MSI2: variants seen among roughly 807,000 people sequenced by gnomAD.
MSI2 encodes musashi RNA binding protein 2, also known as RNA-binding protein Musashi homolog 2.
A neutral mutation model predicts 45.6 loss-of-function variants in MSI2; 17 were observed. The ratio of observed to expected loss-of-function variants is 0.37; its 90% confidence interval spans 0.26 to 0.56. MSI2 has a LOEUF of 0.56. MSI2 is among the 20% of genes least tolerant of loss of function. MSI2 has a pLI of 0.77. For synonymous variants in MSI2, 156 were observed against 158.2 expected (o/e 0.99, Z 0.11); for missense variants, 293 against 444.2 (o/e 0.66, Z 3.06).
At chr17:57,625,403 G>A (rs1489906748) in intron 9 of MSI2, among the ~76,000 whole-genome samples, 5 of 152,220 alleles carry the variant, frequency 3.3e-5, no homozygotes, top group African/African-American at 1.2e-4. Flanking sequence ...CTCTGAGTAG[G>A]CAGCAGGATG....
chr17:57,341,855 A>G (rs1378479367), intron 5 of MSI2, among the ~76,000 whole-genome samples: 2 of 152,136 alleles, frequency 1.3e-5, no homozygotes, highest in Non-Finnish European at 2.9e-5. Context: ...TTTGTTGCTC[A>G]ACTTTTCTCT....
intron 5 of MSI2, among the ~76,000 whole-genome samples, chr17:57,372,973 G>T (rs2143970975): frequency 6.6e-6 from 1 of 152,234 alleles, no homozygotes; most frequent in East Asian, 1.9e-4. Context: ...ATATGGCTGG[G>T]CACAGGGGCT....
At chr17:57,547,438 G>T (rs2087195477) in intron 7 of MSI2, among the ~76,000 whole-genome samples, 1 of 152,150 alleles carries the variant, frequency 6.6e-6, no homozygotes, top group African/African-American at 2.4e-5. Flanking sequence ...AGAGCTGATG[G>T]CGTCTTGGGT....
At position 57,529,720 on chromosome 17, in the gene MSI2, C is replaced by T. The variant is rs2086782085; in HGVS notation, c.450C>T (p.His150=). 6.2e-7 allele frequency: 1 copy of T among 1,613,064 alleles called. No homozygotes were observed. Among genetic ancestry groups the T allele is most frequent in the South Asian group, 1.1e-5 (1 of 90,924 alleles). ...TGTTTGATAAAACTACCAACAGGCACAGAGGTAAGATTACCCCAGTGTAAG... is the reference window on the plus strand; with the variant it reads ...TGTTTGATAAAACTACCAACAGGCATAGAGGTAAGATTACCCCAGTGTAAG... ...MLMFDKTTNR[H]RGFGFVTFEN... is the part of the protein sequence containing the mutation. Residue 150 remains histidine, a synonymous_variant, in exon 7 of 14, where the codon CAC becomes CAT. Coordinates refer to ENST00000284073, the MANE Select transcript of MSI2 (RefSeq NM_138962.4). The surrounding 1 kb of genome is among the most constrained non-coding windows in gnomAD (Gnocchi z 5.3).
In MSI2 at chr17:57,297,848, C is replaced by T. The variant is rs771502804; in HGVS notation, c.312+35656C>T. Among the ~76,000 whole-genome samples, 3 of 152,256 alleles carry T rather than the reference C, an allele frequency of 2.0e-5. No individual in the cohort carries two copies. The East Asian group carries it at 5.8e-4, about 29-fold the overall frequency. On this transcript the variant is annotated intron_variant, in intron 5 of 13. Transcript: ENST00000284073. ...GAAGAAATTACTTTCTTTGCTCATC[C>T]ATAAGAAGCAACTCCTCATCATTCA...
intron 6 of MSI2, among the ~76,000 whole-genome samples, chr17:57,408,888 G>T (rs763052773): frequency 2.1e-5 from 3 of 143,322 alleles, no homozygotes; most frequent in Non-Finnish European, 4.6e-5. Context: ...ATTCCCACCC[G>T]CCCCCCACCT....
At chr17:57,634,689 TAA>T (rs905623312) in intron 10 of MSI2, among the ~76,000 whole-genome samples, 3 of 152,168 alleles carry the variant, frequency 2.0e-5, no homozygotes, top group Admixed American at 2.0e-4. Context: ...ACAAAAGTAA[TAA>T]GACACAAAAT....
At chr17:57,429,410 A>G (rs1255603259) in intron 6 of MSI2, among the ~76,000 whole-genome samples, 1 of 152,198 alleles carries the variant, frequency 6.6e-6, no homozygotes, top group Admixed American at 6.5e-5. Context: ...GATGTTTGTA[A>G]TGACCATCCA....
intron 6 of MSI2, among the ~76,000 whole-genome samples, chr17:57,482,003 G>A (rs2085657364): frequency 2.0e-5 from 3 of 152,146 alleles, no homozygotes; most frequent in Non-Finnish European, 4.4e-5. Context: ...AGATGGAGGC[G>A]AGTCAGTCCA....
chr17:57,508,727 G>A (rs1032761371), intron 6 of MSI2, among the ~76,000 whole-genome samples: 20 of 152,316 alleles, frequency 1.3e-4, no homozygotes, highest in East Asian at 5.8e-4. Context: ...AGATACGCGC[G>A]TGAGCCCGGC....
chr17:57,668,983 C>G (rs1347501868), intron 11 of MSI2, among the ~76,000 whole-genome samples: 1 of 152,204 alleles, frequency 6.6e-6, no homozygotes. Flanking sequence ...TCTCTCCTAC[C>G]TCCAGGCTAA....
intron 7 of MSI2, among the ~76,000 whole-genome samples, chr17:57,580,462 T>A (rs1269237185): frequency 6.6e-6 from 1 of 152,196 alleles, no homozygotes; most frequent in Admixed American, 6.5e-5. Flanking sequence ...ACCCTCCACT[T>A]AGGCCTGGCC....
intron 5 of MSI2, among the ~76,000 whole-genome samples, chr17:57,298,473 AG>A (rs1186842821): frequency 6.6e-6 from 1 of 152,180 alleles, no homozygotes; most frequent in Non-Finnish European, 1.5e-5. Flanking sequence ...TGCGAGGCCA[AG>A]GTGGGAGTTT....
chr17:57,456,940 G>A (rs2085127606), intron 6 of MSI2, among the ~76,000 whole-genome samples: 2 of 152,206 alleles, frequency 1.3e-5, no homozygotes, highest in African/African-American at 2.4e-5. Context: ...CCCGGGTCCT[G>A]TGGTTTCATT....
At chr17:57,285,372 A>G (rs943267614) in intron 5 of MSI2, among the ~76,000 whole-genome samples, 2 of 152,190 alleles carry the variant, frequency 1.3e-5, no homozygotes, top group Admixed American at 1.3e-4. Context: ...ACCAAGGAAC[A>G]AATAAAGGGG....
intron 5 of MSI2, among the ~76,000 whole-genome samples, chr17:57,389,579 C>A (rs898913862): frequency 2.0e-5 from 3 of 152,198 alleles, no homozygotes; most frequent in African/African-American, 7.2e-5. Flanking sequence ...ATCTTTGGAG[C>A]AGAGATGAGG....
chr17:57,276,623 T>A (rs35432900), intron 5 of MSI2, among the ~76,000 whole-genome samples: 54,778 of 152,036 alleles, frequency 0.36, 11,642 homozygotes, highest in African/African-American at 0.59. Context: ...AAGACCAGAG[T>A]GCCTGGGTGG....
At chr17:57,349,842 C>G (rs1186110874) in intron 5 of MSI2, among the ~76,000 whole-genome samples, 1 of 152,272 alleles carries the variant, frequency 6.6e-6, no homozygotes, top group East Asian at 1.9e-4. Flanking sequence ...CTTTTTAAAG[C>G]CAATTTCAGG....
intron 7 of MSI2, among the ~76,000 whole-genome samples, chr17:57,543,397 A>G (rs1385009007): frequency 1.3e-5 from 2 of 152,346 alleles, no homozygotes; most frequent in African/African-American, 2.4e-5. Flanking sequence ...CCTTGGACCC[A>G]TGCTGCCTGG....
Sources: gnomAD v4.1 joint callset for allele counts (sites outside exome capture counted in the v4.1 genomes callset) on GRCh38, gnomAD v4.1.1 for gene constraint, Gnocchi (gnomAD v3.1) non-coding constraint, MANE v1.5 for transcripts, NCBI Gene and HGNC (gene_info 2026-07-23, HGNC 2026-07-21) for gene names.